The following TPR variants were observed in gnomAD, a reference collection of about 807,000 sequenced individuals.
TPR encodes the protein nucleoprotein TPR.
Under a neutral mutation model 316.1 loss-of-function variants are expected in TPR, and 51 were observed. That is an observed-to-expected ratio of 0.16 (90% CI 0.13 to 0.20). The LOEUF (loss-of-function observed/expected upper bound fraction) is 0.20, where lower values mean the gene tolerates loss of function less well. Among genes scored for constraint, TPR ranks in the 10% least tolerant of loss-of-function variants. The pLI is 1.00. For synonymous variants in TPR, 981 were observed against 914.7 expected, an observed-to-expected ratio of 1.07 and a Z score of -1.31; for missense variants, 2,272 against 2,754.8, an observed-to-expected ratio of 0.82 and a Z score of 3.92.
chr1:186,331,001 A>G (rs1658146562), intron 39 of TPR, among the ~76,000 whole-genome samples: 1 of 152,146 alleles, frequency 6.6e-6, no homozygotes, highest in African/African-American at 2.4e-5. Flanking sequence ...ATGACACCTC[A>G]TGCTTTGTAA....
At position 186,356,464 on chromosome 1, in the gene TPR, G is replaced by T; in HGVS notation, c.1725-15C>A. 1.3e-6 allele frequency: 2 copies of T among 1,599,420 alleles called. No homozygotes were observed. The highest frequency in any genetic ancestry group is 2.2e-5 in the South Asian group (2 of 89,566). On this transcript the variant is annotated splice_polypyrimidine_tract_variant and intron_variant, in intron 14 of 50. Transcript: ENST00000367478. ...GCTCAGTGATTCTGTAGAAAAAGTC[G>T]GCCTAATTCACAGGACTGAACTGAG...
intron 9 of TPR, among the ~76,000 whole-genome samples, chr1:186,361,398 AAAAC>A (rs1659183315): frequency 1.3e-5 from 2 of 151,966 alleles, no homozygotes; most frequent in East Asian, 1.9e-4. Context: ...TATTAGATAA[AAAAC>A]AAACAAAACC....
rs764628721 is a variant in TPR, at chr1:186,332,332, G to A, written c.5467C>T (p.Pro1823Ser). The A allele has an allele frequency of 2.5e-6, 4 of 1,611,802 alleles. No individual in the cohort carries two copies. Among genetic ancestry groups the A allele is most frequent in the Non-Finnish European group, 1.7e-6 (2 of 1,178,994 alleles). Residue 1823 changes from proline (P) to serine (S), a missense_variant, in exon 38 of 51, where the codon CCC (proline) becomes TCC (serine). Physicochemically the swap from Pro to Ser is moderately conservative, Grantham distance 74. Coordinates refer to ENST00000367478, the MANE Select transcript of TPR (RefSeq NM_003292.3). Reference protein sequence around the residue: ...TAVFGTVSATPSSSLPKRTRE... With the variant: ...TAVFGTVSATSSSSLPKRTRE... ...GTACGCTTTGGCAAAGAAGAACTGG[G>A]GGTAGCCGAAACTTTGAAATTATAT...
chr1:186,312,073 GAAC>G lies in TPR; in HGVS notation c.*1895_*1897del. 2.1e-6 allele frequency: 2 copies of G among 936,922 alleles called. No individual in the cohort carries two copies. The highest frequency in any genetic ancestry group is 2.1e-5 in the Admixed American group (1 of 48,376). 58.0% of individuals were successfully genotyped at this position (936,922 alleles called of 1,614,324 possible). A position where few individuals can be genotyped will look rare whatever the true frequency, so the allele number is the denominator to read the frequency against. The stretch of plus-strand genomic sequence containing the variant: ...TATCAATATATTATATGAAAAATGA[GAAC>G]AAAACTGTTTCCTATACATTGTAAA... On this transcript the variant is annotated 3_prime_UTR_variant, in exon 51 of 51. Coordinates refer to ENST00000367478, the MANE Select transcript of TPR (RefSeq NM_003292.3).
intron 15 of TPR, 137 bp from the exon 16 acceptor site, chr1:186,355,905 T>G: frequency 9.3e-7 from 1 of 1,077,756 alleles, no homozygotes; most frequent in Non-Finnish European, 1.3e-6. Context: ...ATTATAGGAG[T>G]TTTTAAATAA....
chr1:186,358,408 C>T, intron 13 of TPR, 135 bp downstream of exon 13: 1 of 600,932 alleles, frequency 1.7e-6, no homozygotes, highest in Admixed American at 4.0e-5. Context: ...GGGGGTGCAA[C>T]TCTGCTCGAG....
intron 40 of TPR, 26 bp downstream of exon 40, chr1:186,327,434 A>T: frequency 6.2e-7 from 1 of 1,603,814 alleles, no homozygotes; most frequent in Non-Finnish European, 8.5e-7. Context: ...GTTTAAAAAC[A>T]CTAGATGATT....
chr1:186,338,293 CA>C, intron 30 of TPR, 50 bp from the exon 31 acceptor site: 1 of 1,490,530 alleles, frequency 6.7e-7, no homozygotes. Context: ...AGACATTTTT[CA>C]AAGTTTGAAG....
Position 186,334,524 on chromosome 1 carries a change from T to C in TPR, c.4983A>G (p.Thr1661=). The C allele has an allele frequency of 1.2e-6, 2 of 1,613,124 alleles. No homozygotes were observed. Among genetic ancestry groups the C allele is most frequent in the South Asian group, 1.1e-5 (1 of 91,036 alleles). The change falls in exon 36 of 51, where the codon ACA becomes ACG. Residue 1661 remains threonine, a synonymous_variant. Coordinates refer to ENST00000367478, the MANE Select transcript of TPR (RefSeq NM_003292.3). ...PASGERGIAS[T]SDPPTANIKP... ...TGATATTGGCTGTTGGTGGGTCTGA[T>C]GTGCTGGCACTTATAGAGGAGAAAA...
Position 186,338,249 on chromosome 1 carries a change from A to C in TPR, c.4152-6T>G, listed in dbSNP as rs1179844149. On this transcript the variant is annotated splice_polypyrimidine_tract_variant and splice_region_variant and intron_variant, in intron 30 of 50. Transcript: ENST00000367478. ...TAGTCAAAGATGCATTTGATCTTTAAAAAATGGAGGAAAGAAGAAAGATTA... is the reference window on the plus strand; with the variant it reads ...TAGTCAAAGATGCATTTGATCTTTACAAAATGGAGGAAAGAAGAAAGATTA... The C allele has an allele frequency of 1.9e-6, 3 of 1,590,422 alleles. No homozygotes were observed. The African/African-American group carries it at 4.1e-5, about 22-fold the overall frequency.
chr1:186,357,336 T>C, intron 14 of TPR, 61 bp downstream of exon 14: 2 of 1,543,028 alleles, frequency 1.3e-6, no homozygotes, highest in Non-Finnish European at 1.8e-6. Context: ...CATGAGACAC[T>C]GAGCCTAGCT....
At chr1:186,332,466 C>G (rs1311067709) in intron 37 of TPR, 123 bp from the exon 38 acceptor site, 3 of 1,022,340 alleles carry the variant, frequency 2.9e-6, no homozygotes, top group Non-Finnish European at 1.4e-6. Context: ...GTACAGATTA[C>G]TAAAATACAA....
chr1:186,371,030 C>T lies in TPR; in HGVS notation c.270G>A (p.Lys90=), dbSNP rs1453400039. 1 of 1,612,808 alleles carries T rather than the reference C, an allele frequency of 6.2e-7. No individual in the cohort carries two copies. The highest frequency in any genetic ancestry group is 1.7e-5 in the Admixed American group (1 of 59,998). ...LELEKLNNQL[K]ALTEKNKELE... is the part of the protein sequence containing the mutation. The stretch of plus-strand genomic sequence containing the variant: ...GTTCTTTGTTTTTCTCAGTTAGTGC[C>T]TTCAGTTGATTGTCTGGATAAAAGG... The change falls in exon 3 of 51, where the codon AAG becomes AAA. Residue 90 remains lysine (K), a synonymous_variant. Transcript: ENST00000367478.
rs1212141229 is a variant in TPR at position 186,351,456 on chromosome 1, T to A, written c.2484A>T (p.Arg828=). 1 of 1,609,212 alleles carries A rather than the reference T, an allele frequency of 6.2e-7. No homozygotes were observed. Among genetic ancestry groups the A allele is most frequent in the Non-Finnish European group, 8.5e-7 (1 of 1,177,992 alleles). The change falls in exon 20 of 51, where the codon CGA becomes CGT. Residue 828 remains arginine (R), a synonymous_variant. Coordinates refer to ENST00000367478, the MANE Select transcript of TPR (RefSeq NM_003292.3). ...GCCTTTGTTTGGTTTCTGTTTCAGA[T>A]CGCTCCAGTATTCCCTAAAGCAAAG... is the stretch of plus-strand genomic sequence containing the variant. ...NLQTIQGILE[R]SETETKQRLS...
Position 186,331,568 on chromosome 1 carries a change from G to A in TPR, c.5618C>T (p.Ala1873Val). The change falls in exon 39 of 51, where the codon GCA becomes GTA. Residue 1873 changes from alanine to valine, a missense_variant. Coordinates refer to ENST00000367478, the MANE Select transcript of TPR (RefSeq NM_003292.3). ...TACCTCTCCATCAGTACTTTCTTCT[G>A]CCATAACTTCTTCCTGTATCATAAT... ...TPVGTEEEVM[A>V]EESTDGEVET... is the part of the protein sequence containing the mutation. 1.2e-6 allele frequency: 2 copies of A among 1,606,572 alleles called. No homozygotes were observed. Among genetic ancestry groups the A allele is most frequent in the Admixed American group, 1.7e-5 (1 of 59,448 alleles).
Position 186,337,125 on chromosome 1 carries a change from T to A in TPR, c.4394A>T (p.Asp1465Val), listed in dbSNP as rs1363519965. ...GACTGAAACATGCTGCTCCTGATGGTCTCCAGAGGACTGAGCCGATGTCTC... is the reference window on the plus strand; with the variant it reads ...GACTGAAACATGCTGCTCCTGATGGACTCCAGAGGACTGAGCCGATGTCTC... ...VMETSAQSSG[D>V]HQEQHVSVQE... Residue 1465 changes from aspartate to valine, a missense_variant, in exon 32 of 51, where the codon GAC (aspartate) becomes GTC (valine). Physicochemically the swap from Asp to Val is radical, Grantham distance 152. Around this residue, in one of 10 missense-constraint regions of TPR, gnomAD observed 101 missense variants for 113.0 expected, o/e 0.89. Coordinates refer to ENST00000367478, the MANE Select transcript of TPR (RefSeq NM_003292.3). The A allele has an allele frequency of 6.2e-7, 1 of 1,613,670 alleles. No individual in the cohort carries two copies. The highest frequency in any genetic ancestry group is 8.5e-7 in the Non-Finnish European group (1 of 1,179,804).
intron 9 of TPR, 65 bp downstream of exon 9, chr1:186,361,557 C>G: frequency 1.3e-6 from 2 of 1,494,660 alleles, no homozygotes; most frequent in Admixed American, 1.8e-5. Context: ...CTATACAAAA[C>G]AAGGGTAAAA....
chr1:186,345,497 A>T, intron 24 of TPR, 83 bp downstream of exon 24: 1 of 1,094,628 alleles, frequency 9.1e-7, no homozygotes, highest in Non-Finnish European at 1.4e-6. Flanking sequence ...TGTAAGGTCC[A>T]CCAGTTCTTA....
Position 186,349,029 on chromosome 1 carries a change from T to C in TPR, c.2776+1194A>G, listed in dbSNP as rs556949491. Reference sequence around the variant, plus strand: ...CTTCTCTACTCCCAGTGGGGTCACATCCCGATAAACTCATCATAATTTGAA... The same window carrying C: ...CTTCTCTACTCCCAGTGGGGTCACACCCCGATAAACTCATCATAATTTGAA... On this transcript the variant is annotated intron_variant, in intron 21 of 50. Coordinates refer to ENST00000367478, the MANE Select transcript of TPR (RefSeq NM_003292.3). Among the ~76,000 whole-genome samples, 5 of 152,248 alleles carry C rather than the reference T, an allele frequency of 3.3e-5. No individual in the cohort carries two copies. In the East Asian group the frequency reaches 9.7e-4, roughly 29 times the overall value.
Sources: gnomAD v4.1 joint callset for allele counts (sites outside exome capture counted in the v4.1 genomes callset) on GRCh38, gnomAD v4.1.1 for gene constraint, gnomAD v4.1.1 regional missense constraint, MANE v1.5 for transcripts, NCBI Gene and HGNC (gene_info 2026-07-23, HGNC 2026-07-21) for gene names.